PTPRC: variants seen among roughly 807,000 people sequenced by gnomAD.
PTPRC encodes the protein receptor-type tyrosine-protein phosphatase C.
A neutral mutation model predicts 155.9 loss-of-function variants in PTPRC; 44 were observed. The observed-to-expected ratio is 0.28, with a 90% CI of 0.22 to 0.36. The LOEUF (loss-of-function observed/expected upper bound fraction) is 0.36. Ranked by LOEUF, PTPRC falls within the 10% of genes least tolerant of loss-of-function variation. The probability of loss-of-function intolerance (pLI) is 1.00; values close to 1 mark genes in which losing one functional copy is unlikely to be tolerated. For missense variants in PTPRC, 1,401 were observed against 1,564.6 expected (o/e 0.90, Z 1.76); for synonymous variants, 525 against 533.1 (o/e 0.98, Z 0.21).
In PTPRC at chr1:198,729,084, T is replaced by C. The variant is rs117668894; in HGVS notation, c.1830-53T>C. 7.1e-4 allele frequency: 1,119 copies of C among 1,585,066 alleles called. 20 individuals carry two copies. In the East Asian group the frequency reaches 0.022, roughly 31 times the overall value. ...TCATTAAATATAAGTAAAATACCAA[T>C]TGAATTTTGTGCTTCTTGAGAATAT... On this transcript the variant is annotated intron_variant, in intron 16 of 32. Transcript: ENST00000442510.
chr1:198,675,492 T>C (rs987660917), intron 2 of PTPRC, among the ~76,000 whole-genome samples: 2 of 152,150 alleles, frequency 1.3e-5, no homozygotes, highest in Admixed American at 6.5e-5. Flanking sequence ...CTAGGTTTGA[T>C]TGGATTAAAT....
At chr1:198,754,123 T>C in intron 31 of PTPRC, 146 bp from the exon 32 acceptor site, 1 of 964,984 alleles carries the variant, frequency 1.0e-6, no homozygotes, top group Non-Finnish European at 1.5e-6. Flanking sequence ...TTAGCGTAAA[T>C]AATTTGGTTC....
intron 28 of PTPRC, 86 bp downstream of exon 28, chr1:198,749,635 T>TAAAAG: frequency 7.5e-7 from 1 of 1,330,702 alleles, no homozygotes; most frequent in Non-Finnish European, 1.1e-6. Flanking sequence ...AGCGATTTTA[T>TAAAAG]AAAAGAATAA....
chr1:198,736,368 T>C (rs1243518116), intron 23 of PTPRC, among the ~76,000 whole-genome samples: 2 of 151,688 alleles, frequency 1.3e-5, no homozygotes, highest in African/African-American at 4.8e-5. Context: ...GTAACCATCA[T>C]TCTACTCTGT....
intron 28 of PTPRC, among the ~76,000 whole-genome samples, chr1:198,749,972 C>T (rs1301753033): frequency 6.6e-6 from 1 of 151,826 alleles, no homozygotes. Context: ...CATATCCCCC[C>T]ACTTTTTTAA....
rs763256026 is a variant in PTPRC at position 198,741,849 on chromosome 1, A to G, written c.2404-20A>G. 6.2e-7 allele frequency: 1 copy of G among 1,608,502 alleles called. No individual in the cohort carries two copies. The highest frequency in any genetic ancestry group is 1.7e-5 in the Admixed American group (1 of 59,612). On this transcript the variant is annotated intron_variant, in intron 23 of 32. Transcript: ENST00000442510. ...TGCTTTAAAAAAATCATCTCAAAGA[A>G]AATATTATCTCTTGACTAGAAAAAA...
intron 4 of PTPRC, among the ~76,000 whole-genome samples, chr1:198,697,887 T>C (rs1251003370): frequency 6.6e-6 from 1 of 152,210 alleles, no homozygotes; most frequent in Non-Finnish European, 1.5e-5. Context: ...AAATGGTCAG[T>C]GCCTTCCTAC....
intron 2 of PTPRC, among the ~76,000 whole-genome samples, chr1:198,671,692 C>G (rs544201306): frequency 1.3e-5 from 2 of 152,310 alleles, no homozygotes; most frequent in South Asian, 4.1e-4. Context: ...TTATTGAACT[C>G]AAAAACTTCT....
Position 198,641,313 on chromosome 1 carries a change from T to A in PTPRC, c.73+1972T>A, listed in dbSNP as rs191906016. On this transcript the variant is annotated intron_variant, in intron 2 of 32. Coordinates refer to ENST00000442510, the MANE Select transcript of PTPRC (RefSeq NM_002838.5). ...TAATGCTTTAAATTATTTATTTTTC[T>A]TTTTTAGCAACAAATGAGTTGGATT... Among the ~76,000 whole-genome samples the A allele has an allele frequency of 2.5e-3, 384 of 152,162 alleles. 3 individuals are homozygous for A. Among genetic ancestry groups the A allele is most frequent in the Admixed American group, 2.0e-3 (31 of 15,256 alleles).
chr1:198,675,617 A>G (rs558806210), intron 2 of PTPRC, among the ~76,000 whole-genome samples: 24 of 152,184 alleles, frequency 1.6e-4, no homozygotes, highest in Admixed American at 2.0e-4. Flanking sequence ...GAAATGACAT[A>G]CTGTGTCAAG....
rs1653005672 is a variant in PTPRC at position 198,706,885 on chromosome 1, GTC to G, written c.839_840del (p.Ser280CysfsTer6). 1 of 1,613,460 alleles carries G rather than the reference GTC, an allele frequency of 6.2e-7. No individual in the cohort carries two copies. Among genetic ancestry groups the G allele is most frequent in the Admixed American group, 1.7e-5 (1 of 60,004 alleles). On this transcript the variant is annotated frameshift_variant, in exon 9 of 33. Coordinates refer to ENST00000442510, the MANE Select transcript of PTPRC (RefSeq NM_002838.5). LOFTEE classifies it high-confidence loss of function. ...ATAACCTTACAGAATGTAAAAATGC[GTC>G]TGTTTCCATATCTCATAATTCATGT... ...VHNLTECKNA[S>X]VSISHNSCTA...
At chr1:198,698,788 A>G (rs1666328288) in intron 4 of PTPRC, among the ~76,000 whole-genome samples, 1 of 152,042 alleles carries the variant, frequency 6.6e-6, no homozygotes, top group South Asian at 2.1e-4. Flanking sequence ...ATATACATAT[A>G]TACATATAGG....
intron 15 of PTPRC, among the ~76,000 whole-genome samples, chr1:198,727,952 A>C (rs1654215302): frequency 6.6e-6 from 1 of 152,192 alleles, no homozygotes; most frequent in Non-Finnish European, 1.5e-5. Context: ...ACTTCTGCAT[A>C]TAAAGTTAAA....
At chr1:198,663,127 C>T (rs1269005170) in intron 2 of PTPRC, among the ~76,000 whole-genome samples, 3 of 152,126 alleles carry the variant, frequency 2.0e-5, no homozygotes, top group Non-Finnish European at 2.9e-5. Flanking sequence ...AGACAATCTC[C>T]CTGCACAATT....
At chr1:198,743,020 A>G (rs1654975365) in intron 25 of PTPRC, among the ~76,000 whole-genome samples, 1 of 151,044 alleles carries the variant, frequency 6.6e-6, no homozygotes, top group African/African-American at 2.4e-5. Flanking sequence ...AGCATCAACT[A>G]GAAACATTTG....
At chr1:198,686,890 C>G (rs1229862084) in intron 2 of PTPRC, among the ~76,000 whole-genome samples, 1 of 152,152 alleles carries the variant, frequency 6.6e-6, no homozygotes, top group African/African-American at 2.4e-5. Flanking sequence ...GTAACTACAT[C>G]AGTTCATTTG....
intron 2 of PTPRC, among the ~76,000 whole-genome samples, chr1:198,658,817 C>T (rs1663756067): frequency 6.6e-6 from 1 of 151,710 alleles, no homozygotes; most frequent in Admixed American, 6.6e-5. Flanking sequence ...TCTGGTTGCT[C>T]CTCATGATAA....
chr1:198,707,933 G>T (rs984438612), intron 9 of PTPRC, among the ~76,000 whole-genome samples, 200 bp from the exon 10 acceptor site: 4 of 152,166 alleles, frequency 2.6e-5, no homozygotes, highest in African/African-American at 9.7e-5. Context: ...AATATATGGT[G>T]CTAAAAATAA....
At chr1:198,700,055 C>A in intron 5 of PTPRC, 1 of 345,216 alleles carries the variant, frequency 2.9e-6, no homozygotes, top group Non-Finnish European at 5.5e-6. Flanking sequence ...AGACTTTGTA[C>A]CAACAAACAA....
Sources: gnomAD v4.1 joint callset for allele counts (sites outside exome capture counted in the v4.1 genomes callset) on GRCh38, gnomAD v4.1.1 for gene constraint, MANE v1.5 for transcripts, NCBI Gene and HGNC (gene_info 2026-07-23, HGNC 2026-07-21) for gene names.